CYP2F1: variants seen among roughly 807,000 people sequenced by gnomAD.
CYP2F1 encodes cytochrome P450 family 2 subfamily F member 1.
In CYP2F1, 33 loss-of-function variants were observed where a neutral mutation model predicts 40.4. The ratio of observed to expected loss-of-function variants is 0.82; its 90% CI spans 0.62 to 1.09. CYP2F1 has a LOEUF of 1.09. Among genes scored for constraint, CYP2F1 ranks in the 50% least tolerant of loss-of-function variants. The pLI is 0.00. For missense variants in CYP2F1, 566 were observed against 655.7 expected, an observed-to-expected ratio of 0.86 and a Z score of 1.49; for synonymous variants, 235 against 277.2, an observed-to-expected ratio of 0.85 and a Z score of 1.51.
At position 41,122,062 on chromosome 19, in the gene CYP2F1, G is replaced by A. The variant is rs760401428; in HGVS notation, c.751G>A (p.Asp251Asn). Residue 251 changes from aspartate (D) to asparagine (N), a missense_variant, in exon 6 of 10, where the codon GAC becomes AAC. By Grantham distance (23) the Asp-to-Asn change is conservative. This residue lies in a region of CYP2F1 where 62 missense variants were observed against 105.6 expected (regional missense o/e 0.59). Coordinates refer to ENST00000331105, the MANE Select transcript of CYP2F1 (RefSeq NM_000774.5). Reference sequence around the variant, plus strand: ...AGACCTCATCGCCCACAGCGTCCACGACCACCAGGCCTCGCTAGACCCCAG... The same window carrying A: ...AGACCTCATCGCCCACAGCGTCCACAACCACCAGGCCTCGCTAGACCCCAG... Reference protein sequence around the residue: ...LRDLIAHSVHDHQASLDPRSP... With the variant: ...LRDLIAHSVHNHQASLDPRSP... 7 of 1,610,226 alleles carry A rather than the reference G, an allele frequency of 4.3e-6. No individual in the cohort carries two copies. The highest frequency in any genetic ancestry group is 4.2e-6 in the Non-Finnish European group (5 of 1,178,524).
In CYP2F1 at chr19:41,116,244, T is replaced by C. The variant is rs1271460731; in HGVS notation, c.56T>C (p.Leu19Pro). The C allele has an allele frequency of 6.2e-7, 1 of 1,614,044 alleles. No homozygotes were observed. The highest frequency in any genetic ancestry group is 1.1e-5 in the South Asian group (1 of 91,064). ...CTGCTCCTGGCTCTCGTCTGTCTGC[T>C]CCTGACCCTAAGCTCAAGAGATAAG... Reference protein sequence around the residue: ...LLLLLALVCLLLTLSSRDKGK... With the variant: ...LLLLLALVCLPLTLSSRDKGK... The change falls in exon 2 of 10, where the codon CTC (leucine) becomes CCC (proline). Residue 19 changes from leucine (L) to proline (P), a missense_variant. Coordinates refer to ENST00000331105, the MANE Select transcript of CYP2F1 (RefSeq NM_000774.5).
rs1244389300 is a variant in CYP2F1 at position 41,121,627 on chromosome 19, A to G, written c.645+9A>G. ...GCAGCCCCTGGGGCGAGGTCAGCCA[A>G]CTGAGTCCAGCAGGGGCAGGGTGTG... On this transcript the variant is annotated intron_variant, in intron 5 of 9. Coordinates refer to ENST00000331105, the MANE Select transcript of CYP2F1 (RefSeq NM_000774.5). 3.7e-6 allele frequency: 6 copies of G among 1,607,522 alleles called. No individual in the cohort carries two copies. Among genetic ancestry groups the G allele is most frequent in the African/African-American group, 1.4e-5 (1 of 72,068 alleles).
chr19:41,124,255 C>CCCACT (rs1568381420), intron 7 of CYP2F1, among the ~76,000 whole-genome samples: 4 of 35,252 alleles, frequency 1.1e-4, no homozygotes, highest in African/African-American at 4.9e-4. Context: ...TCCCCCCCCC[C>CCCACT]TTTTTTTTTT....
At chr19:41,120,061 T>A (rs2032096811) in intron 3 of CYP2F1, among the ~76,000 whole-genome samples, 1 of 151,924 alleles carries the variant, frequency 6.6e-6, no homozygotes, top group South Asian at 2.1e-4. Flanking sequence ...CCTTCACAGT[T>A]CTGTGAAGGA....
In CYP2F1 at chr19:41,115,105, G is replaced by A. The variant is rs757954192; in HGVS notation, c.-12+613G>A. Among the ~76,000 whole-genome samples the A allele has an allele frequency of 7.1e-4, 108 of 151,254 alleles. 1 individual carries two copies. Among genetic ancestry groups the A allele is most frequent in the Non-Finnish European group, 1.3e-3 (91 of 67,856 alleles). On this transcript the variant is annotated intron_variant, in intron 1 of 9. Transcript: ENST00000331105. ...TTGGTCTGCCCTTTGCAGCCTACCC[G>A]TCTCTTTGTGTGGCTCTAATATTCC...
chr19:41,118,125 G>A (rs1285922075), intron 3 of CYP2F1, among the ~76,000 whole-genome samples: 1 of 152,096 alleles, frequency 6.6e-6, no homozygotes, highest in East Asian at 1.9e-4. Context: ...TGGGATTACA[G>A]GTGTGAGCCA....
chr19:41,126,621 G>T (rs375060669), intron 9 of CYP2F1, among the ~76,000 whole-genome samples: 2 of 151,820 alleles, frequency 1.3e-5, no homozygotes, highest in Non-Finnish European at 2.9e-5. Context: ...ATGTGGTGTG[G>T]TGTGCATCTG....
In CYP2F1 at chr19:41,120,476, C is replaced by T. The variant is rs764214015; in HGVS notation, c.464C>T (p.Ala155Val). ...RILEEGSFLLAELRKTEGEPF... is the reference protein window; with the variant it reads ...RILEEGSFLLVELRKTEGEPF... ...CTAGAGGAGGGCAGCTTCCTGCTGG[C>T]GGAGCTGCGGAAAACTGAAGGTCAG... The change falls in exon 4 of 10, where the codon GCG (alanine) becomes GTG (valine). Residue 155 changes from alanine (A) to valine (V), a missense_variant. This residue lies in a region of CYP2F1 where 264 missense variants were observed against 275.7 expected (regional missense o/e 0.96). Transcript: ENST00000331105. The T allele has an allele frequency of 1.2e-6, 2 of 1,612,458 alleles. No homozygotes were observed. The highest frequency in any genetic ancestry group is 2.2e-5 in the East Asian group (1 of 44,852).
At chr19:41,118,939 GA>G (rs1296441624) in intron 3 of CYP2F1, among the ~76,000 whole-genome samples, 6 of 152,108 alleles carry the variant, frequency 3.9e-5, no homozygotes, top group African/African-American at 1.4e-4. Context: ...ACACATCTGA[GA>G]CTTTATCCTA....
At chr19:41,124,303 A>G (rs12460939) in intron 7 of CYP2F1, among the ~76,000 whole-genome samples, 7,757 of 109,432 alleles carry the variant, frequency 0.071, 581 homozygotes, top group African/African-American at 0.21. Flanking sequence ...TTGCTCTGTC[A>G]CCCAGGCTGA....
At chr19:41,120,229 G>A (rs1298227384) in intron 3 of CYP2F1, 118 bp from the exon 4 acceptor site, 9 of 1,019,640 alleles carry the variant, frequency 8.8e-6, no homozygotes, top group South Asian at 1.7e-5. Flanking sequence ...TTACTGGAAG[G>A]AGCCAGGGAG....
intron 7 of CYP2F1, among the ~76,000 whole-genome samples, chr19:41,123,582 C>T (rs545255622): frequency 2.0e-5 from 3 of 152,216 alleles, no homozygotes; most frequent in East Asian, 1.9e-4. Flanking sequence ...AGTACAGTGC[C>T]GTAATTACAG....
chr19:41,121,776 C>T lies in CYP2F1; in HGVS notation c.645+158C>T, dbSNP rs1439821440. 3.4e-5 allele frequency among the ~76,000 whole-genome samples: 5 copies of T among 146,896 alleles called. 1 individual carries two copies. The highest frequency in any genetic ancestry group is 5.9e-5 in the Non-Finnish European group (4 of 67,608). On this transcript the variant is annotated intron_variant, in intron 5 of 9. Coordinates refer to ENST00000331105, the MANE Select transcript of CYP2F1 (RefSeq NM_000774.5). Reference sequence around the variant, plus strand: ...GAGTTACACGGCCACGCCCACTCCCCTCCACTGAGCATTTATGGCCGCCAT... The same window carrying T: ...GAGTTACACGGCCACGCCCACTCCCTTCCACTGAGCATTTATGGCCGCCAT...
At chr19:41,120,256 C>G (rs2032109120) in intron 3 of CYP2F1, 91 bp from the exon 4 acceptor site, 1 of 1,304,416 alleles carries the variant, frequency 7.7e-7, no homozygotes, top group South Asian at 1.5e-5. Flanking sequence ...AACTCTGTCT[C>G]TCTCCCAGCA....
In CYP2F1 at chr19:41,123,222, G is replaced by A. The variant is rs1434509992; in HGVS notation, c.964+259G>A. 7.1e-6 allele frequency: 4 copies of A among 564,624 alleles called. No individual in the cohort carries two copies. In the Admixed American group the frequency reaches 8.8e-5, roughly 12 times the overall value. 35.0% of individuals were successfully genotyped at this position (564,624 alleles called of 1,614,324 possible). A position where few individuals can be genotyped will look rare whatever the true frequency, so the allele number is the denominator to read the frequency against. ...GTCTTTGTTTTGTTTTTTGGAGACG[G>A]AGTCTGGCTCTGTCACCCAGGCTGG... On this transcript the variant is annotated intron_variant, in intron 7 of 9. Transcript: ENST00000331105.
chr19:41,126,914 C>T (rs1184117181), intron 9 of CYP2F1, among the ~76,000 whole-genome samples: 2 of 152,038 alleles, frequency 1.3e-5, no homozygotes, highest in African/African-American at 4.8e-5. Flanking sequence ...TTTGGCTTTC[C>T]TCTTTACCCT....
intron 3 of CYP2F1, among the ~76,000 whole-genome samples, chr19:41,118,301 T>TGAAG (rs201818161): frequency 1.1e-4 from 16 of 151,276 alleles, no homozygotes; most frequent in East Asian, 3.9e-4. Context: ...AGGGAAAGAA[T>TGAAG]GAAGGAAGGA....
rs766158626 is a variant in CYP2F1 at position 41,122,531 on chromosome 19, C to CACAT, written c.823-278_823-275dup. 5.9e-5 allele frequency among the ~76,000 whole-genome samples: 9 copies of CACAT among 152,002 alleles called. No homozygotes were observed. The East Asian group carries it at 1.2e-3, about 20-fold the overall frequency. On this transcript the variant is annotated intron_variant, in intron 6 of 9. Coordinates refer to ENST00000331105, the MANE Select transcript of CYP2F1 (RefSeq NM_000774.5). ...ATACATACATACACACACACATACA[C>CACAT]ACATACATACATACATCATACATAC...
Position 41,115,565 on chromosome 19 carries a change from A to G in CYP2F1, c.-11-613A>G, listed in dbSNP as rs551400144. The stretch of plus-strand genomic sequence containing the variant: ...TAGATAGATAATAGACAGATGATAC[A>G]CAGATGATAGATTATGAAGATAGTA... On this transcript the variant is annotated intron_variant, in intron 1 of 9. Coordinates refer to ENST00000331105, the MANE Select transcript of CYP2F1 (RefSeq NM_000774.5). 3.9e-5 allele frequency among the ~76,000 whole-genome samples: 6 copies of G among 152,298 alleles called. No individual in the cohort carries two copies. In the East Asian group the frequency reaches 1.2e-3, roughly 29 times the overall value.
Sources: gnomAD v4.1 joint callset for allele counts (sites outside exome capture counted in the v4.1 genomes callset) on GRCh38, gnomAD v4.1.1 for gene constraint, gnomAD v4.1.1 regional missense constraint, MANE v1.5 for transcripts, NCBI Gene and HGNC (gene_info 2026-07-23, HGNC 2026-07-21) for gene names.